The following SAMD8 variants were observed in gnomAD, a reference collection of about 807,000 sequenced individuals.
SAMD8 encodes the protein sterile alpha motif domain containing 8.
Under a neutral mutation model 42.0 loss-of-function variants are expected in SAMD8, and 20 were observed. That is an observed-to-expected ratio of 0.48 (90% confidence interval 0.34 to 0.69). The LOEUF (loss-of-function observed/expected upper bound fraction) is 0.69. SAMD8 is among the 30% of genes least tolerant of loss of function. The pLI is 0.01. For missense variants in SAMD8, 328 were observed against 511.6 expected (o/e 0.64, Z 3.46); for synonymous variants, 162 against 173.0 (o/e 0.94, Z 0.50).
chr10:75,176,294 G>A lies in SAMD8; in HGVS notation c.943+78G>A. On this transcript the variant is annotated intron_variant, in intron 5 of 5. Transcript: ENST00000542569. The surrounding 1 kb of genome is among the most constrained non-coding windows in gnomAD (Gnocchi z 4.3). ...GGCTGTGGGAAGGGTGTCAGATCCT[G>A]TGAAGAATGGCAAAACAGCCTGACC... The A allele has an allele frequency of 6.2e-7, 1 of 1,608,560 alleles. No homozygotes were observed. Among genetic ancestry groups the A allele is most frequent in the Non-Finnish European group, 8.5e-7 (1 of 1,176,622 alleles).
At chr10:75,171,138 T>TTTTC (rs199760400) in intron 4 of SAMD8, among the ~76,000 whole-genome samples, 3 of 147,312 alleles carry the variant, frequency 2.0e-5, no homozygotes, top group Admixed American at 1.4e-4. Flanking sequence ...CTAGTTTTCC[T>TTTTC]TTTCTTTCTT....
intron 1 of SAMD8, among the ~76,000 whole-genome samples, chr10:75,148,346 C>CTTTTGTTTTTTTTTTTTTTTTTTTTTTT (rs1840193450): frequency 1.2e-5 from 1 of 82,564 alleles, no homozygotes; most frequent in African/African-American, 6.5e-5. Flanking sequence ...GCAATACCAG[C>CTTTTGTTTTTTTTTTTTTTTTTTTTTTT]TTTTTTTTTT....
chr10:75,101,148 CTG>C (rs1303524505), intron 1 of SAMD8, among the ~76,000 whole-genome samples: 4 of 152,176 alleles, frequency 2.6e-5, no homozygotes, highest in African/African-American at 4.8e-5. Context: ...CTGTGGGTCT[CTG>C]TGCTCAGCCT....
chr10:75,125,552 G>A (rs1266471356), intron 1 of SAMD8: 4 of 152,230 alleles, frequency 2.6e-5, no homozygotes, highest in Non-Finnish European at 5.9e-5. Context: ...GGAGGCAAAG[G>A]TTGCAGTGAG....
chr10:75,126,934 TC>T (rs1849155393), intron 1 of SAMD8, among the ~76,000 whole-genome samples: 1 of 151,030 alleles, frequency 6.6e-6, no homozygotes, highest in Non-Finnish European at 1.5e-5. Flanking sequence ...ACACCTGTAA[TC>T]CCAGCACTTT....
chr10:75,150,399 AG>A (rs1840259110), intron 1 of SAMD8, 114 bp from the exon 2 acceptor site: 1 of 1,452,326 alleles, frequency 6.9e-7, no homozygotes, highest in African/African-American at 1.4e-5. Context: ...TGGGGATTGT[AG>A]GCATGAGCCA....
chr10:75,135,379 G>C (rs1320022877), intron 1 of SAMD8, among the ~76,000 whole-genome samples: 1 of 151,504 alleles, frequency 6.6e-6, no homozygotes, highest in Non-Finnish European at 1.5e-5. Flanking sequence ...CTTGAACCCG[G>C]GAGGCAGAGG....
At chr10:75,122,468 G>C (rs1292056610) in intron 1 of SAMD8, among the ~76,000 whole-genome samples, 1 of 152,010 alleles carries the variant, frequency 6.6e-6, no homozygotes, top group African/African-American at 2.4e-5. Flanking sequence ...AGAAAAATTA[G>C]CTGAGCGTGG....
chr10:75,176,801 C>A lies in SAMD8; in HGVS notation c.*109C>A, dbSNP rs1395305259. ...CTTAGATGCCTGGCTTATGTGTTGA[C>A]AAAGTAAAGTTTTCTGTTCTGAGCA... is the stretch of plus-strand genomic sequence containing the variant. On this transcript the variant is annotated 3_prime_UTR_variant, in exon 6 of 6. Transcript: ENST00000542569. The surrounding 1 kb of genome is among the most constrained non-coding windows in gnomAD (Gnocchi z 4.3). 7.6e-6 allele frequency: 6 copies of A among 790,056 alleles called. No homozygotes were observed. Among genetic ancestry groups the A allele is most frequent in the Non-Finnish European group, 1.2e-5 (6 of 510,330 alleles). 48.9% of individuals were successfully genotyped at this position (790,056 alleles called of 1,614,324 possible). A position where few individuals can be genotyped will look rare whatever the true frequency, so the allele number is the denominator to read the frequency against.
At chr10:75,158,452 C>T (rs930593557) in intron 2 of SAMD8, among the ~76,000 whole-genome samples, 4 of 151,870 alleles carry the variant, frequency 2.6e-5, no homozygotes, top group East Asian at 1.9e-4. Flanking sequence ...ATTAGCCGGG[C>T]GTGGTGGCAT....
At chr10:75,143,270 C>T (rs933086728) in intron 1 of SAMD8, among the ~76,000 whole-genome samples, 2 of 152,208 alleles carry the variant, frequency 1.3e-5, no homozygotes, top group Non-Finnish European at 2.9e-5. Context: ...CATGCCACTG[C>T]ACTCCAGGCT....
In SAMD8 at chr10:75,178,433, TAG is replaced by T. The variant is rs1236179740; in HGVS notation, c.*1744_*1745del. On this transcript the variant is annotated 3_prime_UTR_variant, in exon 6 of 6. Transcript: ENST00000542569. Reference sequence around the variant, plus strand: ...AATAAAGGATGTTTCCTATGCCAGTTAGAGTGGTTTGACCCTTCAGGTAAAAA... The same window carrying T: ...AATAAAGGATGTTTCCTATGCCAGTTAGTGGTTTGACCCTTCAGGTAAAAA... The T allele has an allele frequency of 1.3e-5, 2 of 152,236 alleles. No homozygotes were observed. Among genetic ancestry groups the T allele is most frequent in the Non-Finnish European group, 1.5e-5 (1 of 68,040 alleles). 9.4% of individuals were successfully genotyped at this position (152,236 alleles called of 1,614,324 possible). A position where few individuals can be genotyped will look rare whatever the true frequency, so the allele number is the denominator to read the frequency against.
At chr10:75,107,634 T>A (rs1848595439), upstream of SAMD8, among the ~76,000 whole-genome samples, 1 of 151,836 alleles carries the variant, frequency 6.6e-6, no homozygotes. Context: ...TAGAGTGAAG[T>A]GGCATGATCT....
intron 2 of SAMD8, among the ~76,000 whole-genome samples, chr10:75,154,837 G>A (rs1840373297): frequency 6.6e-6 from 1 of 152,140 alleles, no homozygotes; most frequent in Non-Finnish European, 1.5e-5. Context: ...ATTTGCTGAT[G>A]AATTTGGATT....
intron 1 of SAMD8, chr10:75,105,547 C>T: frequency 9.4e-7 from 1 of 1,067,442 alleles, no homozygotes; most frequent in Non-Finnish European, 1.4e-6. Context: ...CACTTCCAGC[C>T]ACACACAGCC....
rs565663047 is a variant in SAMD8, at chr10:75,133,763, A to G, written c.-15-16751A>G. ...ATATATGGAATCTAAAAACAAGTTA[A>G]TCTTGTAGAAGTAGAAAGTAGGATA... On this transcript the variant is annotated intron_variant, in intron 1 of 5. Coordinates refer to ENST00000542569, the MANE Select transcript of SAMD8 (RefSeq NM_001174156.2). Among the ~76,000 whole-genome samples the G allele has an allele frequency of 5.1e-4, 77 of 152,334 alleles. 1 individual carries two copies. In the South Asian group the frequency reaches 9.1e-3, roughly 18 times the overall value.
intron 1 of SAMD8, among the ~76,000 whole-genome samples, chr10:75,142,776 C>T (rs1444804700): frequency 6.6e-6 from 1 of 152,072 alleles, no homozygotes; most frequent in East Asian, 1.9e-4. Flanking sequence ...GCAGTGCCTC[C>T]CATCACTTTG....
intron 1 of SAMD8, among the ~76,000 whole-genome samples, chr10:75,130,859 C>T (rs1016475481): frequency 5.3e-5 from 8 of 152,148 alleles, no homozygotes; most frequent in South Asian, 2.1e-4. Flanking sequence ...ATAGTAATGT[C>T]TACCTCATAA....
At chr10:75,162,059 A>T (rs1840570065) in intron 2 of SAMD8, among the ~76,000 whole-genome samples, 1 of 152,126 alleles carries the variant, frequency 6.6e-6, no homozygotes, top group Non-Finnish European at 1.5e-5. Flanking sequence ...TAAATAAAAA[A>T]TAAAATCCAG....
Sources: gnomAD v4.1 joint callset for allele counts (sites outside exome capture counted in the v4.1 genomes callset) on GRCh38, gnomAD v4.1.1 for gene constraint, Gnocchi (gnomAD v3.1) non-coding constraint, MANE v1.5 for transcripts, NCBI Gene and HGNC (gene_info 2026-07-23, HGNC 2026-07-21) for gene names.